The following TJP3 variants were observed in gnomAD, a reference collection of about 807,000 sequenced individuals.
The protein encoded by TJP3 is tight junction protein 3.
A neutral mutation model predicts 104.2 loss-of-function variants in TJP3; 85 were observed. The observed-to-expected ratio is 0.82, with a 90% CI of 0.68 to 0.98. TJP3 has a LOEUF of 0.98. Ranked by LOEUF, TJP3 falls within the 50% of genes least tolerant of loss-of-function variation. The pLI is 0.00. For synonymous variants in TJP3, 550 were observed against 550.6 expected, an observed-to-expected ratio of 1.00 and a Z score of 0.02; for missense variants, 1,367 against 1,322.8, an observed-to-expected ratio of 1.03 and a Z score of -0.52.
Position 3,730,198 on chromosome 19 carries a change from TG to T in TJP3, c.261+69del. On this transcript the variant is annotated intron_variant, in intron 4 of 20. Coordinates refer to ENST00000541714, the MANE Select transcript of TJP3 (RefSeq NM_001267560.2). The surrounding 1 kb of genome is among the most constrained non-coding windows in gnomAD (Gnocchi z 7.3). ...GCCTGGGTCGTGCCGCTGTGGGGGT[TG>T]TAAGCTTCTGAGAGCAAGGAGTCAT... The T allele has an allele frequency of 6.4e-7, 1 of 1,560,588 alleles. No homozygotes were observed. Among genetic ancestry groups the T allele is most frequent in the Non-Finnish European group, 8.8e-7 (1 of 1,133,046 alleles).
chr19:3,728,712 C>T lies in TJP3; in HGVS notation c.157C>T (p.Gln53Ter). ...TGGAGGGCCGGCGGAGGGCAGGCTA[C>T]AGTGAGTATCCAGGCAGCTGGGTTC... is the stretch of plus-strand genomic sequence containing the variant. The part of the protein sequence containing the change: ...VPGGPAEGRL[Q>*]TGDHIVMVNG... The change falls in exon 3 of 21, where the codon CAG (glutamine) becomes TAG (stop). Residue 53 changes from glutamine to a stop codon, truncating the protein, a stop_gained and splice_region_variant. Coordinates refer to ENST00000541714, the MANE Select transcript of TJP3 (RefSeq NM_001267560.2). LOFTEE classifies it high-confidence loss of function. 6.2e-7 allele frequency: 1 copy of T among 1,613,272 alleles called. No individual in the cohort carries two copies. The highest frequency in any genetic ancestry group is 2.2e-5 in the East Asian group (1 of 44,880).
chr19:3,721,951 C>A, intron 1 of TJP3: 1 of 866,674 alleles, frequency 1.2e-6, no homozygotes, highest in Non-Finnish European at 1.5e-6. Flanking sequence ...GGGGCTCGGG[C>A]TGAGGTGGGG....
intron 1 of TJP3, among the ~76,000 whole-genome samples, chr19:3,727,554 C>T (rs2036613735): frequency 6.6e-6 from 1 of 150,462 alleles, no homozygotes; most frequent in Admixed American, 6.7e-5. Flanking sequence ...CATTCATTCA[C>T]TCATTAATTC....
chr19:3,733,989 A>C, intron 7 of TJP3, 77 bp downstream of exon 7: 1 of 1,545,892 alleles, frequency 6.5e-7, no homozygotes, highest in East Asian at 2.4e-5. Context: ...GGCAGGGCCA[A>C]GGAATCAATG....
chr19:3,748,070 C>T lies in TJP3; in HGVS notation c.2599C>T (p.Gln867Ter). 6.4e-7 allele frequency: 1 copy of T among 1,567,438 alleles called. No homozygotes were observed. Among genetic ancestry groups the T allele is most frequent in the Non-Finnish European group, 8.7e-7 (1 of 1,155,932 alleles). ...PRDRGRISAHQGAQVDSRHPQ... is the reference protein window; with the variant it reads ...PRDRGRISAH ...GGATCGTGGGAGAATCTCGGCTCAT[C>T]AGGGGGCCCAGGTGCGTCGGACATG... The change falls in exon 19 of 21, where the codon CAG becomes TAG. Residue 867 changes from glutamine (Q) to a stop codon, truncating the protein, a stop_gained. Coordinates refer to ENST00000541714, the MANE Select transcript of TJP3 (RefSeq NM_001267560.2). LOFTEE classifies it high-confidence loss of function.
intron 12 of TJP3, 111 bp downstream of exon 12, chr19:3,738,774 A>C (rs2145693869): frequency 7.6e-7 from 1 of 1,321,090 alleles, no homozygotes; most frequent in Middle Eastern, 2.3e-4. Context: ...TGCACCCTCC[A>C]TCCCTCTCCC....
At chr19:3,726,216 G>A (rs371731750) in intron 1 of TJP3, among the ~76,000 whole-genome samples, 4 of 152,204 alleles carry the variant, frequency 2.6e-5, no homozygotes, top group African/African-American at 4.8e-5. Context: ...GGCATGGTGC[G>A]TGCTGGCAGG....
chr19:3,716,966 CT>C (rs59845215), intron 1 of TJP3, among the ~76,000 whole-genome samples: 38,279 of 115,284 alleles, frequency 0.33, 7,850 homozygotes, highest in South Asian at 0.5. Flanking sequence ...GCCCAGGTGA[CT>C]TTTTTTTTTT....
chr19:3,709,739 G>A (rs1429019867), intron 1 of TJP3, among the ~76,000 whole-genome samples: 1 of 152,134 alleles, frequency 6.6e-6, no homozygotes, highest in Non-Finnish European at 1.5e-5. Flanking sequence ...GAGTCCGTGG[G>A]GGTGGGCGAC....
chr19:3,739,017 T>G lies in TJP3; in HGVS notation c.1514T>G (p.Leu505Arg), dbSNP rs746635237. The change falls in exon 13 of 21, where the codon CTG becomes CGG. Residue 505 changes from leucine (L) to arginine (R), a missense_variant. Leu to Arg is a moderately radical substitution (Grantham distance 102, BLOSUM62 -2). Transcript: ENST00000541714. Reference protein sequence around the residue: ...GFTRGDVFHVLDTLHPGPGQS... With the variant: ...GFTRGDVFHVRDTLHPGPGQS... The stretch of plus-strand genomic sequence containing the variant: ...ACCCGTGGCGACGTCTTCCACGTGC[T>G]GGACACGCTGCACCCCGGCCCCGGG... 6.2e-7 allele frequency: 1 copy of G among 1,612,850 alleles called. No homozygotes were observed. Among genetic ancestry groups the G allele is most frequent in the South Asian group, 1.1e-5 (1 of 91,006 alleles).
intron 1 of TJP3, among the ~76,000 whole-genome samples, chr19:3,720,705 C>T (rs1217483822): frequency 6.6e-6 from 1 of 151,888 alleles, no homozygotes; most frequent in Non-Finnish European, 1.5e-5. Flanking sequence ...CTACCCTGGT[C>T]CAGTCCCTCC....
chr19:3,717,353 TTGGC>T, intron 1 of TJP3, among the ~76,000 whole-genome samples: 1 of 124,382 alleles, frequency 8.0e-6, no homozygotes, highest in Non-Finnish European at 1.9e-5. Context: ...TTCGGCCGCC[TTGGC>T]CATCCAAAGT....
rs2036898497 is a variant in TJP3 at position 3,746,719 on chromosome 19, T to C, written c.2221+24T>C. 6.2e-7 allele frequency: 1 copy of C among 1,602,470 alleles called. No homozygotes were observed. Reference sequence around the variant, plus strand: ...AGGTTGGGGGGTGGGTGTCCCAGGGTAGGCGGGTGGGCCCCAGCCTGAGTC... The same window carrying C: ...AGGTTGGGGGGTGGGTGTCCCAGGGCAGGCGGGTGGGCCCCAGCCTGAGTC... On this transcript the variant is annotated intron_variant, in intron 17 of 20. Transcript: ENST00000541714. The surrounding 1 kb of genome is among the most constrained non-coding windows in gnomAD (Gnocchi z 4.1).
intron 1 of TJP3, among the ~76,000 whole-genome samples, chr19:3,710,243 C>T (rs951304165): frequency 2.6e-5 from 4 of 151,452 alleles, no homozygotes; most frequent in Non-Finnish European, 4.4e-5. Flanking sequence ...AACAGATTCT[C>T]GGTCATTCTG....
At chr19:3,727,541 TTTCA>T (rs145642304) in intron 1 of TJP3, among the ~76,000 whole-genome samples, 14,539 of 151,222 alleles carry the variant, frequency 0.096, 988 homozygotes, top group South Asian at 0.25. Context: ...AAAGGAAGTG[TTTCA>T]TTCATTCACT....
chr19:3,721,817 C>T (rs1015389501), intron 1 of TJP3: 1 of 874,704 alleles, frequency 1.1e-6, no homozygotes, highest in South Asian at 5.8e-5. Flanking sequence ...CCCCCTCCCC[C>T]AGCCCGGGGT....
chr19:3,725,194 C>T (rs2036584493), intron 1 of TJP3, among the ~76,000 whole-genome samples: 1 of 152,080 alleles, frequency 6.6e-6, no homozygotes, highest in South Asian at 2.1e-4. Context: ...CCTGGGAGTT[C>T]AAGGCTGCAG....
intron 1 of TJP3, among the ~76,000 whole-genome samples, chr19:3,709,655 G>A (rs1042890565): frequency 1.1e-4 from 17 of 152,180 alleles, no homozygotes; most frequent in Admixed American, 1.3e-4. Flanking sequence ...GGGACAGAGC[G>A]GCCCGGCATT....
At chr19:3,747,128 T>C (rs2036907627) in intron 18 of TJP3, among the ~76,000 whole-genome samples, 1 of 152,092 alleles carries the variant, frequency 6.6e-6, no homozygotes, top group African/African-American at 2.4e-5. Flanking sequence ...TGGTGTGATC[T>C]CAGCTTGCTG....
Sources: allele counts gnomAD v4.1 joint callset (sites outside exome capture counted in the v4.1 genomes callset), GRCh38; gene constraint gnomAD v4.1.1; non-coding constraint Gnocchi (gnomAD v3.1); transcripts MANE v1.5; gene names NCBI Gene and HGNC (gene_info 2026-07-23, HGNC 2026-07-21).